Variants in MTUS2 observed in about 807,000 individuals in gnomAD.
The protein encoded by MTUS2 is microtubule associated scaffold protein 2.
A neutral mutation model predicts 114.1 loss-of-function variants in MTUS2; 40 were observed. That is an observed-to-expected ratio of 0.35 (90% CI 0.27 to 0.46). The LOEUF (loss-of-function observed/expected upper bound fraction) is 0.46, where lower values mean the gene tolerates loss of function less well. Ranked by LOEUF, MTUS2 falls within the 20% of genes least tolerant of loss-of-function variation. The pLI, the probability that MTUS2 is intolerant of heterozygous loss-of-function variation, is 1.00. For synonymous variants in MTUS2, 688 were observed against 672.0 expected, an observed-to-expected ratio of 1.02 and a Z score of -0.37; for missense variants, 1,679 against 1,705.4, an observed-to-expected ratio of 0.98 and a Z score of 0.27.
chr13:28,998,998 G>GT (rs1885254797), intron 2 of MTUS2, among the ~76,000 whole-genome samples: 1 of 152,100 alleles, frequency 6.6e-6, no homozygotes, highest in Non-Finnish European at 1.5e-5. Context: ...TTTCTGCTCT[G>GT]TTTTTTCCCC....
At chr13:28,953,180 T>G (rs1361600722) in intron 2 of MTUS2, among the ~76,000 whole-genome samples, 1 of 152,090 alleles carries the variant, frequency 6.6e-6, no homozygotes, top group African/African-American at 2.4e-5. Flanking sequence ...TTTTTTTTTT[T>G]TGCACATTTT....
intron 6 of MTUS2, among the ~76,000 whole-genome samples, chr13:29,305,481 A>C (rs182157428): frequency 0.025 from 1,314 of 53,448 alleles, 18 homozygotes; most frequent in Middle Eastern, 0.043. Context: ...ACAGAAATAC[A>C]AACAACTATC....
chr13:28,838,069 C>T (rs898903596), intron 1 of MTUS2, among the ~76,000 whole-genome samples: 1 of 152,098 alleles, frequency 6.6e-6, no homozygotes, highest in Non-Finnish European at 1.5e-5. Context: ...TACATCTTAT[C>T]CTCACATAAT....
intron 2 of MTUS2, among the ~76,000 whole-genome samples, chr13:28,872,670 G>A (rs982182661): frequency 1.3e-5 from 2 of 152,088 alleles, no homozygotes; most frequent in African/African-American, 4.8e-5. Context: ...GCTCTTGTGG[G>A]AATGAGTACA....
At chr13:29,330,470 T>C (rs1196447737) in intron 7 of MTUS2, among the ~76,000 whole-genome samples, 2 of 152,198 alleles carry the variant, frequency 1.3e-5, no homozygotes, top group Non-Finnish European at 2.9e-5. Flanking sequence ...TTGGCTTTTG[T>C]TGCCACAGCT....
intron 6 of MTUS2, among the ~76,000 whole-genome samples, chr13:29,309,749 C>T (rs1053580024): frequency 6.6e-6 from 1 of 151,900 alleles, no homozygotes; most frequent in African/African-American, 2.4e-5. Context: ...TTAATAAGGG[C>T]CTGGCATTAT....
chr13:29,261,783 C>T (rs898566969), intron 5 of MTUS2, among the ~76,000 whole-genome samples: 2 of 152,178 alleles, frequency 1.3e-5, no homozygotes, highest in African/African-American at 4.8e-5. Context: ...GTATTAACTA[C>T]TAAGATATTC....
At chr13:29,284,305 G>A (rs1355974963) in intron 6 of MTUS2, among the ~76,000 whole-genome samples, 1 of 151,196 alleles carries the variant, frequency 6.6e-6, no homozygotes, top group Admixed American at 6.6e-5. Context: ...AAAAGATGGA[G>A]GAAAAAATGT....
Position 29,190,525 on chromosome 13 carries a change from G to A in MTUS2, c.2644+89555G>A, listed in dbSNP as rs150356007. Among the ~76,000 whole-genome samples, 519 of 152,316 alleles carry A rather than the reference G, an allele frequency of 3.4e-3. 4 individuals are homozygous for A. The highest frequency in any genetic ancestry group is 0.012 in the African/African-American group (490 of 41,572). ...ATGGAGGTGGTTGGGAACCTTGCCC[G>A]CCTCCAGATTGGTTTGGCCTTGTGT... On this transcript the variant is annotated intron_variant, in intron 5 of 15. Transcript: ENST00000612955.
intron 8 of MTUS2, among the ~76,000 whole-genome samples, chr13:29,387,937 A>G (rs1872738397): frequency 6.6e-6 from 1 of 152,186 alleles, no homozygotes; most frequent in African/African-American, 2.4e-5. Flanking sequence ...GCCTTTCACA[A>G]CTAGATATCC....
At chr13:29,402,207 C>T (rs746383673) in intron 8 of MTUS2, among the ~76,000 whole-genome samples, 52 of 152,078 alleles carry the variant, frequency 3.4e-4, no homozygotes, top group Non-Finnish European at 6.6e-4. Flanking sequence ...CCTTTGATGA[C>T]GTCACTGTGC....
intron 2 of MTUS2, among the ~76,000 whole-genome samples, chr13:28,892,316 G>C (rs191149413): frequency 6.6e-6 from 1 of 152,146 alleles, no homozygotes; most frequent in African/African-American, 2.4e-5. Context: ...TCCTGGGGCA[G>C]CTGGTGCTGG....
intron 2 of MTUS2, among the ~76,000 whole-genome samples, chr13:28,882,444 C>T (rs1286853291): frequency 6.6e-6 from 1 of 152,068 alleles, no homozygotes; most frequent in East Asian, 1.9e-4. Context: ...ATTAATAAAA[C>T]AGACTTTTGG....
intron 8 of MTUS2, among the ~76,000 whole-genome samples, chr13:29,408,317 TA>T (rs549729525): frequency 9.1e-4 from 138 of 151,940 alleles, no homozygotes; most frequent in African/African-American, 2.0e-3. Flanking sequence ...ATTTCAGGTT[TA>T]AAAAAAAATT....
intron 8 of MTUS2, among the ~76,000 whole-genome samples, chr13:29,389,303 G>A (rs117971419): frequency 0.1 from 11,783 of 112,476 alleles, 1,609 homozygotes; most frequent in Non-Finnish European, 0.13. Flanking sequence ...GTGTGTATAT[G>A]TGTATATATG....
chr13:29,060,410 T>G (rs1231988215), intron 4 of MTUS2, among the ~76,000 whole-genome samples: 1 of 152,122 alleles, frequency 6.6e-6, no homozygotes, highest in South Asian at 2.1e-4. Flanking sequence ...AAGTTGCTGG[T>G]TTTTTGCAAG....
At chr13:29,079,569 A>G (rs1433451626) in intron 4 of MTUS2, among the ~76,000 whole-genome samples, 2 of 152,122 alleles carry the variant, frequency 1.3e-5, no homozygotes, top group African/African-American at 4.8e-5. Flanking sequence ...CTTTTAATTC[A>G]TTTTGAATTT....
intron 2 of MTUS2, among the ~76,000 whole-genome samples, chr13:28,894,575 G>C (rs1593278107): frequency 6.6e-6 from 1 of 152,224 alleles, no homozygotes; most frequent in African/African-American, 2.4e-5. Flanking sequence ...GGCAGCCCAA[G>C]CTGACCAATA....
At chr13:29,241,802 A>G (rs938215565) in intron 5 of MTUS2, among the ~76,000 whole-genome samples, 2 of 152,170 alleles carry the variant, frequency 1.3e-5, no homozygotes, top group Non-Finnish European at 2.9e-5. Context: ...TTGGGCTAGC[A>G]CACTAGGTGA....
Sources: allele counts gnomAD v4.1 joint callset (sites outside exome capture counted in the v4.1 genomes callset), GRCh38; gene constraint gnomAD v4.1.1; transcripts MANE v1.5; gene names NCBI Gene and HGNC (gene_info 2026-07-23, HGNC 2026-07-21).